LSS: variants seen among roughly 807,000 people sequenced by gnomAD.
LSS encodes 2,3-epoxysqualene-lanosterol cyclase.
LSS carries 90 observed loss-of-function variants against 110.3 expected under a neutral mutation model. That is an observed-to-expected ratio of 0.82 (90% CI 0.69 to 0.97). The LOEUF (loss-of-function observed/expected upper bound fraction) is 0.97. Among genes scored for constraint, LSS ranks in the 50% least tolerant of loss-of-function variants. The pLI is 0.00. For synonymous variants in LSS, 433 were observed against 400.0 expected (o/e 1.08, Z -0.98); for missense variants, 927 against 990.0 (o/e 0.94, Z 0.85).
chr21:46,223,932 C>T (rs923052381), intron 3 of LSS, among the ~76,000 whole-genome samples: 7 of 152,164 alleles, frequency 4.6e-5, no homozygotes, highest in African/African-American at 1.4e-4. Context: ...GAAAGGGAGG[C>T]TCCCTTTCCC....
intron 3 of LSS, among the ~76,000 whole-genome samples, chr21:46,223,491 C>A (rs2080301896): frequency 6.6e-6 from 1 of 152,218 alleles, no homozygotes; most frequent in African/African-American, 2.4e-5. Flanking sequence ...TTCAAACCAT[C>A]CAGACATGCC....
chr21:46,191,002 G>T lies in LSS; in HGVS notation c.*102C>A. On this transcript the variant is annotated 3_prime_UTR_variant, in exon 22 of 22. Transcript: ENST00000397728. ...CACATCTATGAGATAGAGGTTGAGG[G>T]GTTGGAGCCCAAGACAGGGTTATGG... 1 of 1,385,952 alleles carries T rather than the reference G, an allele frequency of 7.2e-7. No homozygotes were observed. Among genetic ancestry groups the T allele is most frequent in the Non-Finnish European group, 1.0e-6 (1 of 1,002,368 alleles). The allele number at this position is 1,385,952 out of a possible 1,614,324, so 85.9% of individuals were successfully genotyped here.
intron 18 of LSS, among the ~76,000 whole-genome samples, chr21:46,195,988 G>A (rs1217105852): frequency 7.2e-5 from 11 of 152,244 alleles, no homozygotes; most frequent in Non-Finnish European, 1.3e-4. Flanking sequence ...CAGCCCGGCT[G>A]CGCCCAGCAA....
At chr21:46,199,802 T>C (rs999659613) in intron 17 of LSS, among the ~76,000 whole-genome samples, 2 of 152,184 alleles carry the variant, frequency 1.3e-5, no homozygotes, top group African/African-American at 4.8e-5. Flanking sequence ...TAAGGGGTTC[T>C]GGAGGCGGGG....
At position 46,209,723 on chromosome 21, in the gene LSS, C is replaced by G; in HGVS notation, c.1195-98G>C. The G allele has an allele frequency of 9.9e-7, 1 of 1,013,072 alleles. No individual in the cohort carries two copies. Among genetic ancestry groups the G allele is most frequent in the South Asian group, 1.4e-5 (1 of 69,362 alleles). 62.8% of individuals were successfully genotyped at this position (1,013,072 alleles called of 1,614,324 possible). On this transcript the variant is annotated intron_variant, in intron 12 of 21. Coordinates refer to ENST00000397728, the MANE Select transcript of LSS (RefSeq NM_002340.6). The surrounding 1 kb of genome is among the most constrained non-coding windows in gnomAD (Gnocchi z 4.4). Reference sequence around the variant, plus strand: ...GGTCCTGGCCACATCCTGCCCCAACCGGGGACCAGAATCAAACCAGCAGAC... The same window carrying G: ...GGTCCTGGCCACATCCTGCCCCAACGGGGGACCAGAATCAAACCAGCAGAC...
intron 17 of LSS, among the ~76,000 whole-genome samples, chr21:46,204,261 C>T (rs1472862204): frequency 6.6e-6 from 1 of 151,930 alleles, no homozygotes; most frequent in Non-Finnish European, 1.5e-5. Context: ...CGCCACTGCT[C>T]CCCAACCTCA....
intron 20 of LSS, chr21:46,192,882 GGT>G: frequency 2.2e-6 from 1 of 446,968 alleles, no homozygotes; most frequent in African/African-American, 2.1e-5. Context: ...TGTGTGCACA[GGT>G]GCCTGTGCAT....
intron 16 of LSS, 114 bp downstream of exon 16, chr21:46,206,558 T>C (rs981127215): frequency 2.5e-5 from 21 of 853,690 alleles, no homozygotes; most frequent in South Asian, 1.4e-4. Context: ...GATCTGCCGG[T>C]GAACCTGGGC....
intron 17 of LSS, among the ~76,000 whole-genome samples, chr21:46,204,501 G>C (rs1051184202): frequency 1.3e-5 from 2 of 151,616 alleles, no homozygotes; most frequent in Non-Finnish European, 2.9e-5. Flanking sequence ...TCAGTGTAAA[G>C]CTGAGTGGAA....
intron 5 of LSS, among the ~76,000 whole-genome samples, 166 bp from the exon 6 acceptor site, chr21:46,219,738 G>T (rs1313915758): frequency 1.3e-5 from 2 of 152,214 alleles, no homozygotes; most frequent in African/African-American, 4.8e-5. Flanking sequence ...GCAGGTTCCA[G>T]AGTGCTGAGA....
chr21:46,193,976 G>A (rs563126817), intron 20 of LSS, among the ~76,000 whole-genome samples: 19 of 152,156 alleles, frequency 1.2e-4, no homozygotes, highest in Non-Finnish European at 2.4e-4. Flanking sequence ...GCATGCGTAC[G>A]TGTGTGCATA....
intron 3 of LSS, 189 bp downstream of exon 3, chr21:46,227,363 C>T (rs561209217): frequency 1.5e-6 from 1 of 647,446 alleles, no homozygotes; most frequent in African/African-American, 1.8e-5. Context: ...TCACCCTACA[C>T]TGGCAAGGCT....
intron 7 of LSS, among the ~76,000 whole-genome samples, 163 bp from the exon 8 acceptor site, chr21:46,215,956 C>G (rs1216690172): frequency 6.6e-6 from 1 of 152,112 alleles, no homozygotes; most frequent in East Asian, 1.9e-4. Flanking sequence ...ATGAAGGCCC[C>G]CTATGGGAGG....
At chr21:46,222,159 G>A (rs2080287218) in intron 4 of LSS, 184 bp from the exon 5 acceptor site, 3 of 624,104 alleles carry the variant, frequency 4.8e-6, no homozygotes, top group African/African-American at 1.8e-5. Context: ...CACCTCCCAT[G>A]ACAACTGAGC....
chr21:46,213,791 C>A lies in LSS; in HGVS notation c.1056G>T (p.Gly352=), dbSNP rs866169227. The A allele has an allele frequency of 6.2e-7, 1 of 1,613,930 alleles. No homozygotes were observed. The highest frequency in any genetic ancestry group is 8.5e-7 in the Non-Finnish European group (1 of 1,179,998). ...INMLVRWYVD[G]PASTAFQEHV... ...GCTCCTGGAAGGCAGTGGAGGCGGGCCCGTCCACATACCAGCGCACAAGCA... is the reference window on the plus strand; with the variant it reads ...GCTCCTGGAAGGCAGTGGAGGCGGGACCGTCCACATACCAGCGCACAAGCA... Residue 352 remains glycine, a synonymous_variant, in exon 10 of 22, where the codon GGG becomes GGT. Transcript: ENST00000397728.
At position 46,190,742 on chromosome 21, in the gene LSS, T is replaced by C; in HGVS notation, c.*362A>G. The C allele has an allele frequency of 4.0e-6, 1 of 247,934 alleles. No individual in the cohort carries two copies. Among genetic ancestry groups the C allele is most frequent in the South Asian group, 6.9e-5 (1 of 14,416 alleles). 15.4% of individuals were successfully genotyped at this position (247,934 alleles called of 1,614,324 possible). A position where few individuals can be genotyped will look rare whatever the true frequency, so the allele number is the denominator to read the frequency against. ...CACTAAGGAATCACACAGGCACAGCTGCTCCTCTCCCAAGAACTCAGCTAT... is the reference window on the plus strand; with the variant it reads ...CACTAAGGAATCACACAGGCACAGCCGCTCCTCTCCCAAGAACTCAGCTAT... On this transcript the variant is annotated 3_prime_UTR_variant, in exon 22 of 22. Coordinates refer to ENST00000397728, the MANE Select transcript of LSS (RefSeq NM_002340.6). The surrounding 1 kb of genome is among the most constrained non-coding windows in gnomAD (Gnocchi z 4.6).
chr21:46,213,818 G>A lies in LSS; in HGVS notation c.1029C>T (p.Asn343=), dbSNP rs745862977. ...CGTCCACATACCAGCGCACAAGCAT[G>A]TTGATGGTTTTCGAGATCTGCAGGA... ...ISIGPISKTI[N]MLVRWYVDGP... The change falls in exon 10 of 22, where the codon AAC becomes AAT. Residue 343 remains asparagine, a synonymous_variant. Transcript: ENST00000397728. The A allele has an allele frequency of 1.5e-5, 25 of 1,613,792 alleles. No homozygotes were observed. Among genetic ancestry groups the A allele is most frequent in the Non-Finnish European group, 2.0e-5 (24 of 1,179,900 alleles).
chr21:46,197,031 G>C (rs138058601), intron 17 of LSS, among the ~76,000 whole-genome samples: 2 of 152,370 alleles, frequency 1.3e-5, no homozygotes, highest in Admixed American at 1.3e-4. Context: ...GAAGCCCGGA[G>C]AGACCCTGAG....
At chr21:46,211,655 C>T (rs2080136325) in intron 11 of LSS, among the ~76,000 whole-genome samples, 2 of 152,224 alleles carry the variant, frequency 1.3e-5, no homozygotes, top group South Asian at 2.1e-4. Context: ...ACATCGTGCA[C>T]TGGAGGGACA....
Sources: allele counts gnomAD v4.1 joint callset (sites outside exome capture counted in the v4.1 genomes callset), GRCh38; gene constraint gnomAD v4.1.1; non-coding constraint Gnocchi (gnomAD v3.1); transcripts MANE v1.5; gene names NCBI Gene and HGNC (gene_info 2026-07-23, HGNC 2026-07-21).